Variants in WDPCP observed in about 807,000 individuals in gnomAD.
WDPCP encodes WD repeat containing planar cell polarity effector.
A neutral mutation model predicts 93.1 loss-of-function variants in WDPCP; 71 were observed. That is an observed-to-expected ratio of 0.76 (90% CI 0.63 to 0.93). WDPCP has a LOEUF of 0.93. Ranked by LOEUF, WDPCP falls within the 40% of genes least tolerant of loss-of-function variation. WDPCP has a pLI of 0.00. For synonymous variants in WDPCP, 315 were observed against 315.0 expected, an observed-to-expected ratio of 1.00 and a Z score of 0.00; for missense variants, 844 against 887.4, an observed-to-expected ratio of 0.95 and a Z score of 0.62.
intron 1 of WDPCP, among the ~76,000 whole-genome samples, chr2:63,575,563 A>ACAG (rs1558833910): frequency 5.6e-5 from 4 of 70,948 alleles, no homozygotes; most frequent in Admixed American, 1.8e-4. Flanking sequence ...TACAGTATAT[A>ACAG]TACTATATAA....
At chr2:63,601,998 C>A (rs1228236534) in intron 3 of WDPCP, among the ~76,000 whole-genome samples, 1 of 152,212 alleles carries the variant, frequency 6.6e-6, no homozygotes, top group Non-Finnish European at 1.5e-5. Flanking sequence ...CCCTATCCCA[C>A]AGGCTAAGCA....
chr2:63,146,046 T>G (rs530192567), intron 17 of WDPCP, among the ~76,000 whole-genome samples: 2 of 152,308 alleles, frequency 1.3e-5, no homozygotes, highest in Non-Finnish European at 2.9e-5. Context: ...GTCATTTTTG[T>G]ACATTGGTTT....
chr2:63,744,215 T>C (rs1669762411), intron 2 of WDPCP, among the ~76,000 whole-genome samples: 1 of 152,120 alleles, frequency 6.6e-6, no homozygotes, highest in Admixed American at 6.6e-5. Context: ...ACTTTACAGC[T>C]TCAGTTTAAG....
rs1558833713 is a variant in WDPCP, at chr2:63,575,536, A to AGTGTATACG, written c.75+12660_75+12661insCGTATACAC. ...TATATATAGTATATACAGTATATACACTGTATATATAGTATATACAGTATA... is the reference window on the plus strand; with the variant it reads ...TATATATAGTATATACAGTATATACAGTGTATACGCTGTATATATAGTATATACAGTATA... On this transcript the variant is annotated intron_variant, in intron 1 of 17. Coordinates refer to ENST00000272321, the MANE Select transcript of WDPCP (RefSeq NM_015910.7). 2.3e-5 allele frequency among the ~76,000 whole-genome samples: 3 copies of AGTGTATACG among 133,004 alleles called. 1 individual carries two copies. Among genetic ancestry groups the AGTGTATACG allele is most frequent in the Non-Finnish European group, 4.9e-5 (3 of 60,952 alleles). 87.3% of individuals were successfully genotyped at this position (133,004 alleles called of 152,430 possible).
At chr2:63,572,253 C>G (rs1707565328) in intron 1 of WDPCP, among the ~76,000 whole-genome samples, 1 of 152,168 alleles carries the variant, frequency 6.6e-6, no homozygotes, top group Non-Finnish European at 1.5e-5. Context: ...CCAATTGTTT[C>G]CTTAAGAGTA....
At chr2:63,774,618 C>A (rs1670278111) in intron 2 of WDPCP, among the ~76,000 whole-genome samples, 1 of 152,148 alleles carries the variant, frequency 6.6e-6, no homozygotes, top group Non-Finnish European at 1.5e-5. Context: ...AAAAGCTAAA[C>A]TCATGATCAT....
chr2:63,566,168 A>C (rs531572409), intron 1 of WDPCP, among the ~76,000 whole-genome samples: 25 of 152,212 alleles, frequency 1.6e-4, no homozygotes, highest in Non-Finnish European at 3.4e-4. Context: ...AAAAGAAAAT[A>C]TCTTGGTCCC....
chr2:63,388,370 C>A (rs1692925185), intron 10 of WDPCP, among the ~76,000 whole-genome samples: 1 of 152,142 alleles, frequency 6.6e-6, no homozygotes, highest in African/African-American at 2.4e-5. Flanking sequence ...AAAAGGGCAT[C>A]TACACCAAAA....
chr2:63,660,637 T>C (rs1710216194), intron 2 of WDPCP, among the ~76,000 whole-genome samples: 1 of 152,074 alleles, frequency 6.6e-6, no homozygotes, highest in Non-Finnish European at 1.5e-5. Context: ...AAAGTTGAAA[T>C]ATAAAAAAAC....
At chr2:63,639,336 G>A (rs1188373232) in intron 3 of WDPCP, among the ~76,000 whole-genome samples, 1 of 152,134 alleles carries the variant, frequency 6.6e-6, no homozygotes, top group Non-Finnish European at 1.5e-5. Context: ...GTGGAGACAG[G>A]GTCTACTGTG....
At chr2:63,373,508 G>T (rs1691586230) in intron 12 of WDPCP, among the ~76,000 whole-genome samples, 1 of 149,722 alleles carries the variant, frequency 6.7e-6, no homozygotes. Context: ...CTCCTGCCTT[G>T]GCCTCCCATA....
At position 63,303,248 on chromosome 2, in the gene WDPCP, C is replaced by G. The variant is rs1370592497; in HGVS notation, c.1812+10000G>C. On this transcript the variant is annotated intron_variant, in intron 13 of 17. Transcript: ENST00000272321. The stretch of plus-strand genomic sequence containing the variant: ...CTCCTTTGTGGACCAGTTCCAGTGG[C>G]CCTCCTTCTTGACTAAGCCATCTAG... 3.3e-5 allele frequency among the ~76,000 whole-genome samples: 5 copies of G among 152,146 alleles called. No homozygotes were observed. In the East Asian group the frequency reaches 9.6e-4, roughly 29 times the overall value.
intron 2 of WDPCP, among the ~76,000 whole-genome samples, chr2:63,696,715 G>T (rs1311050803): frequency 2.0e-5 from 3 of 152,212 alleles, no homozygotes; most frequent in African/African-American, 4.8e-5. Flanking sequence ...TGACCTGGGT[G>T]GTTAAGAATC....
chr2:63,768,394 G>A (rs1670177411), intron 2 of WDPCP, among the ~76,000 whole-genome samples: 1 of 145,148 alleles, frequency 6.9e-6, no homozygotes, highest in Admixed American at 6.9e-5. Flanking sequence ...GCATTTTTAT[G>A]AGTTTTAGAG....
the WDPCP span, among the ~76,000 whole-genome samples, chr2:63,833,324 C>G: frequency 6.6e-6 from 1 of 152,124 alleles, no homozygotes; most frequent in East Asian, 1.9e-4. Flanking sequence ...AGTTGTTATT[C>G]TCATCTTTAA....
chr2:63,437,688 G>A (rs1441774950), intron 7 of WDPCP, 134 bp from the exon 8 acceptor site: 2 of 1,031,848 alleles, frequency 1.9e-6, no homozygotes, highest in Non-Finnish European at 2.8e-6. Context: ...TATCATTATA[G>A]CATTTTATAA....
chr2:63,526,746 T>C (rs1703367121), intron 1 of WDPCP, among the ~76,000 whole-genome samples: 1 of 152,200 alleles, frequency 6.6e-6, no homozygotes, highest in African/African-American at 2.4e-5. Context: ...TTCCTAAAAG[T>C]CTTCTCCAAT....
At chr2:63,721,158 A>G (rs780850674) in intron 2 of WDPCP, among the ~76,000 whole-genome samples, 1 of 152,252 alleles carries the variant, frequency 6.6e-6, no homozygotes, top group African/African-American at 2.4e-5. Context: ...GAGTCAAGGA[A>G]AATTGGCATG....
intron 17 of WDPCP, among the ~76,000 whole-genome samples, chr2:63,127,699 A>G (rs950913699): frequency 2.7e-5 from 4 of 147,946 alleles, no homozygotes; most frequent in Non-Finnish European, 6.0e-5. Flanking sequence ...ATATATACGC[A>G]CACACACACA....
Sources: gnomAD v4.1 joint callset for allele counts (sites outside exome capture counted in the v4.1 genomes callset) on GRCh38, gnomAD v4.1.1 for gene constraint, MANE v1.5 for transcripts, NCBI Gene and HGNC (gene_info 2026-07-23, HGNC 2026-07-21) for gene names.